DCHS2: variants seen among roughly 807,000 people sequenced by gnomAD.
The protein encoded by DCHS2 is dachsous cadherin-related 2.
Under a neutral mutation model 182.4 loss-of-function variants are expected in DCHS2, and 142 were observed. The ratio of observed to expected loss-of-function variants is 0.78; its 90% CI spans 0.68 to 0.89. The LOEUF (loss-of-function observed/expected upper bound fraction) is 0.89, where lower values mean the gene tolerates loss of function less well. DCHS2 is among the 40% of genes least tolerant of loss of function. The pLI, the probability that DCHS2 is intolerant of heterozygous loss-of-function variation, is 0.00. For missense variants in DCHS2, 4,319 were observed against 4,198.6 expected (o/e 1.03, Z -0.79); for synonymous variants, 1,740 against 1,663.3 (o/e 1.05, Z -1.12).
At chr4:154,370,374 C>A (rs1186922317) in intron 2 of DCHS2, among the ~76,000 whole-genome samples, 2 of 152,024 alleles carry the variant, frequency 1.3e-5, no homozygotes, top group African/African-American at 4.8e-5. Context: ...GAAATGGAGA[C>A]CACTATTTTA....
At chr4:154,242,582 A>T in intron 17 of DCHS2, 60 bp downstream of exon 17, 1 of 1,562,220 alleles carries the variant, frequency 6.4e-7, no homozygotes, top group Non-Finnish European at 8.6e-7. Flanking sequence ...TGGCTAAAGA[A>T]AATGGTAAAT....
At chr4:154,431,789 C>T (rs1560754427) in intron 1 of DCHS2, among the ~76,000 whole-genome samples, 1 of 152,180 alleles carries the variant, frequency 6.6e-6, no homozygotes, top group African/African-American at 2.4e-5. Context: ...CTTCAGCCTT[C>T]TTTACATACA....
intron 1 of DCHS2, among the ~76,000 whole-genome samples, chr4:154,404,143 A>G (rs932879278): frequency 6.6e-6 from 1 of 152,020 alleles, no homozygotes; most frequent in Non-Finnish European, 1.5e-5. Flanking sequence ...CTTCTTTTCT[A>G]ATATAAATAT....
At chr4:154,474,939 C>T (rs973538847) in intron 1 of DCHS2, among the ~76,000 whole-genome samples, 9 of 152,152 alleles carry the variant, frequency 5.9e-5, no homozygotes, top group African/African-American at 1.9e-4. Flanking sequence ...GGAATGAATT[C>T]GTTTTTATAT....
intron 1 of DCHS2, among the ~76,000 whole-genome samples, chr4:154,466,753 A>T (rs1735258810): frequency 6.6e-6 from 1 of 152,214 alleles, no homozygotes; most frequent in South Asian, 2.1e-4. Context: ...AAATGAGACA[A>T]TTATTCTTAA....
intron 1 of DCHS2, among the ~76,000 whole-genome samples, chr4:154,453,219 G>A (rs1044444600): frequency 6.6e-6 from 1 of 151,496 alleles, no homozygotes; most frequent in African/African-American, 2.4e-5. Context: ...AGGGCCTTAC[G>A]GGACTGCAGT....
chr4:154,298,069 G>A lies in DCHS2; in HGVS notation c.6245C>T (p.Ser2082Leu). ...TVVFSFAETQ[S>L]MFSIDKYTGE... ...TGTGTATTTATCAATAGAAAACATT[G>A]ACTGGGTCTCTGCAAAACTAAAAAC... Residue 2082 changes from serine (S) to leucine (L), a missense_variant, in exon 13 of 20, where the codon TCA becomes TTA. Transcript: ENST00000357232. 1.2e-6 allele frequency: 2 copies of A among 1,614,084 alleles called. No individual in the cohort carries two copies. Among genetic ancestry groups the A allele is most frequent in the Non-Finnish European group, 1.7e-6 (2 of 1,180,008 alleles).
intron 3 of DCHS2, among the ~76,000 whole-genome samples, chr4:154,358,259 G>A (rs765996905): frequency 2.6e-5 from 4 of 151,826 alleles, no homozygotes; most frequent in Admixed American, 1.3e-4. Context: ...TTCCCAACTC[G>A]CTTATCCAAA....
intron 13 of DCHS2, among the ~76,000 whole-genome samples, chr4:154,295,015 C>T (rs1734857118): frequency 6.6e-6 from 1 of 152,204 alleles, no homozygotes; most frequent in African/African-American, 2.4e-5. Flanking sequence ...CTGTAATCCA[C>T]ATAACAATCA....
At chr4:154,411,245 TTATCA>T (rs376584944) in intron 1 of DCHS2, among the ~76,000 whole-genome samples, 97,923 of 151,720 alleles carry the variant, frequency 0.65, 32,083 homozygotes, top group East Asian at 0.98. Flanking sequence ...TAGGGATGGG[TTATCA>T]GGTAGAAATA....
At chr4:154,277,921 A>T (rs1733929062) in intron 13 of DCHS2, among the ~76,000 whole-genome samples, 1 of 151,974 alleles carries the variant, frequency 6.6e-6, no homozygotes, top group South Asian at 2.1e-4. Context: ...GGCACCTGCA[A>T]TCCTAGCTAC....
intron 3 of DCHS2, among the ~76,000 whole-genome samples, chr4:154,346,903 C>T (rs567406522): frequency 1.3e-5 from 2 of 151,700 alleles, no homozygotes; most frequent in Admixed American, 6.6e-5. Context: ...TTTAAAATAC[C>T]CTGATTTTTA....
intron 7 of DCHS2, among the ~76,000 whole-genome samples, chr4:154,324,448 G>A (rs1488280844): frequency 6.6e-6 from 1 of 152,196 alleles, no homozygotes; most frequent in Non-Finnish European, 1.5e-5. Context: ...TGGGACATTA[G>A]AGGTGCTCAT....
intron 19 of DCHS2, 51 bp downstream of exon 19, chr4:154,239,118 TC>T: frequency 6.4e-7 from 1 of 1,573,898 alleles, no homozygotes; most frequent in Non-Finnish European, 8.6e-7. Context: ...ATTTCAGGTT[TC>T]TACTTTGAAA....
Position 154,266,262 on chromosome 4 carries a change from C to T in DCHS2, c.6577+3638G>A, listed in dbSNP as rs118110369. Among the ~76,000 whole-genome samples, 150 of 152,116 alleles carry T rather than the reference C, an allele frequency of 9.9e-4. 1 individual carries two copies. The East Asian group carries it at 0.022, about 22-fold the overall frequency. On this transcript the variant is annotated intron_variant, in intron 14 of 19. Transcript: ENST00000357232. Reference sequence around the variant, plus strand: ...CTGGATCAACGAGCCACGATGATGTCGATGGTTGGATGTCAAGAGCAGATG... The same window carrying T: ...CTGGATCAACGAGCCACGATGATGTTGATGGTTGGATGTCAAGAGCAGATG...
chr4:154,287,987 G>A (rs577550648), intron 13 of DCHS2, among the ~76,000 whole-genome samples: 6 of 152,184 alleles, frequency 3.9e-5, no homozygotes, highest in Non-Finnish European at 5.9e-5. Context: ...TCACTAAAAC[G>A]AAGTCAGGAA....
intron 1 of DCHS2, among the ~76,000 whole-genome samples, chr4:154,388,657 T>C (rs935714097): frequency 4.0e-5 from 6 of 151,730 alleles, no homozygotes; most frequent in African/African-American, 1.5e-4. Context: ...ACCACGGCTG[T>C]CTAATTTTTT....
intron 10 of DCHS2, among the ~76,000 whole-genome samples, chr4:154,307,823 C>T (rs555902260): frequency 9.2e-5 from 14 of 152,238 alleles, no homozygotes; most frequent in African/African-American, 3.4e-4. Context: ...CCTACCCGAC[C>T]ACTACCTGGC....
chr4:154,358,363 C>T (rs76352434), intron 3 of DCHS2, among the ~76,000 whole-genome samples: 51 of 152,138 alleles, frequency 3.4e-4, no homozygotes, highest in African/African-American at 1.2e-3. Context: ...CTTTGGAAGC[C>T]CTACACTAGT....
Sources: gnomAD v4.1 joint callset for allele counts (sites outside exome capture counted in the v4.1 genomes callset) on GRCh38, gnomAD v4.1.1 for gene constraint, MANE v1.5 for transcripts, NCBI Gene and HGNC (gene_info 2026-07-23, HGNC 2026-07-21) for gene names.